The following ABCB5 variants were observed in gnomAD, a reference collection of about 807,000 sequenced individuals.
ABCB5 encodes ATP binding cassette subfamily B member 5, also known as ATP-binding cassette sub-family B member 5.
In ABCB5, 155 loss-of-function variants were observed where a neutral mutation model predicts 144.2. The ratio of observed to expected loss-of-function variants is 1.08; its 90% confidence interval spans 0.94 to 1.23. The LOEUF (loss-of-function observed/expected upper bound fraction) is 1.23, where lower values mean the gene tolerates loss of function less well. Among genes scored for constraint, ABCB5 ranks in the 50% most tolerant of loss-of-function variants. ABCB5 has a pLI of 0.00. For synonymous variants in ABCB5, 610 were observed against 528.6 expected, an observed-to-expected ratio of 1.15 and a Z score of -2.11; for missense variants, 1,830 against 1,520.8, an observed-to-expected ratio of 1.20 and a Z score of -3.38.
At position 20,686,711 on chromosome 7, in the gene ABCB5, C is replaced by A. The variant is rs183435442; in HGVS notation, c.2010+875C>A. ...TGTATCTCAGCTTCAGTCCCCTAAC[C>A]TCCAGCATCCATACCATCTCACACC... On this transcript the variant is annotated intron_variant, in intron 16 of 27. Coordinates refer to ENST00000404938, the MANE Select transcript of ABCB5 (RefSeq NM_001163941.2). Among the ~76,000 whole-genome samples, 12 of 152,270 alleles carry A rather than the reference C, an allele frequency of 7.9e-5. No homozygotes were observed. The East Asian group carries it at 2.3e-3, about 29-fold the overall frequency.
intron 14 of ABCB5, among the ~76,000 whole-genome samples, chr7:20,678,903 G>A (rs1785695485): frequency 6.6e-6 from 1 of 152,126 alleles, no homozygotes; most frequent in South Asian, 2.1e-4. Flanking sequence ...ATACGCTGCC[G>A]GGACACCTGG....
At chr7:20,713,563 A>C (rs1781570025) in intron 20 of ABCB5, among the ~76,000 whole-genome samples, 1 of 149,642 alleles carries the variant, frequency 6.7e-6, no homozygotes, top group African/African-American at 2.5e-5. Context: ...TGGATGCTAC[A>C]CATTGTGAAT....
chr7:20,669,261 A>G (rs1414912950), intron 14 of ABCB5, among the ~76,000 whole-genome samples: 5 of 143,600 alleles, frequency 3.5e-5, no homozygotes, highest in Non-Finnish European at 1.5e-5. Flanking sequence ...CCATGATGAC[A>G]ATGGCGGTTT....
At chr7:20,624,186 A>G (rs1783859781) in intron 2 of ABCB5, among the ~76,000 whole-genome samples, 1 of 152,230 alleles carries the variant, frequency 6.6e-6, no homozygotes, top group South Asian at 2.1e-4. Context: ...GGACAGGTTT[A>G]TTTTAGAATA....
In ABCB5 at chr7:20,731,294, A is replaced by G. The variant is rs972458076; in HGVS notation, c.2867+2839A>G. Reference sequence around the variant, plus strand: ...CTTCAACCCCGGAGGTGGAGGTTGCAGTGAGCCGAGATCACACCACTGCAC... The same window carrying G: ...CTTCAACCCCGGAGGTGGAGGTTGCGGTGAGCCGAGATCACACCACTGCAC... On this transcript the variant is annotated intron_variant, in intron 23 of 27. Transcript: ENST00000404938. Among the ~76,000 whole-genome samples the G allele has an allele frequency of 2.4e-4, 36 of 150,098 alleles. 1 individual carries two copies. Among genetic ancestry groups the G allele is most frequent in the African/African-American group, 8.6e-4 (35 of 40,698 alleles).
At chr7:20,645,910 C>A in intron 8 of ABCB5, 30 bp downstream of exon 8, 2 of 1,612,604 alleles carry the variant, frequency 1.2e-6, no homozygotes, top group Admixed American at 1.7e-5. Context: ...ACAAGATATG[C>A]TTGGTTTTAT....
At chr7:20,735,667 G>T (rs912139629) in intron 23 of ABCB5, among the ~76,000 whole-genome samples, 1 of 152,170 alleles carries the variant, frequency 6.6e-6, no homozygotes, top group African/African-American at 2.4e-5. Context: ...TTGATATCTA[G>T]GGCCTTCAGA....
intron 20 of ABCB5, among the ~76,000 whole-genome samples, chr7:20,706,729 G>T (rs1311485096): frequency 6.6e-6 from 1 of 152,150 alleles, no homozygotes; most frequent in African/African-American, 2.4e-5. Flanking sequence ...AACTGTCCCA[G>T]GTTGCAAATG....
intron 20 of ABCB5, among the ~76,000 whole-genome samples, chr7:20,705,084 C>T (rs1441055863): frequency 6.6e-6 from 1 of 152,068 alleles, no homozygotes. Context: ...GAAAAAAGAG[C>T]TCAGAATTAA....
intron 5 of ABCB5, among the ~76,000 whole-genome samples, chr7:20,635,977 G>A (rs1055748980): frequency 5.9e-5 from 9 of 152,066 alleles, no homozygotes; most frequent in Non-Finnish European, 1.3e-4. Flanking sequence ...TCAATCACAT[G>A]TCAAGCATTA....
rs775236941 is a variant in ABCB5, at chr7:20,676,161, T to TACAC, written c.1708-5342_1708-5339dup. Among the ~76,000 whole-genome samples the TACAC allele has an allele frequency of 3.2e-3, 311 of 95,856 alleles. 6 individuals carry two copies. In the South Asian group the frequency reaches 0.062, roughly 19 times the overall value. 62.9% of individuals were successfully genotyped at this position (95,856 alleles called of 152,430 possible). On this transcript the variant is annotated intron_variant, in intron 14 of 27. Transcript: ENST00000404938. The stretch of plus-strand genomic sequence containing the variant: ...TTACCATGTGACCCAGCAATTCTAC[T>TACAC]ACACATACACACACACACACACACA...
At chr7:20,674,376 A>G (rs1217237003) in intron 14 of ABCB5, among the ~76,000 whole-genome samples, 2 of 151,806 alleles carry the variant, frequency 1.3e-5, no homozygotes, top group Non-Finnish European at 3.0e-5. Context: ...TTTCCTTGAT[A>G]TAGAGTTTTA....
chr7:20,666,293 G>T (rs185884211), intron 14 of ABCB5, among the ~76,000 whole-genome samples: 5 of 152,132 alleles, frequency 3.3e-5, no homozygotes, highest in Non-Finnish European at 7.4e-5. Context: ...TTGTGTTCTC[G>T]TAGGTTTTCT....
intron 14 of ABCB5, among the ~76,000 whole-genome samples, chr7:20,678,785 T>G (rs1583419373): frequency 6.6e-6 from 1 of 152,234 alleles, no homozygotes. Flanking sequence ...ACAGACAAGC[T>G]GACCAGCCCA....
chr7:20,711,787 T>TCTTTC (rs1787051984), intron 20 of ABCB5, among the ~76,000 whole-genome samples: 1 of 30,918 alleles, frequency 3.2e-5, no homozygotes, highest in South Asian at 1.3e-3. Context: ...TCTCTTTCTT[T>TCTTTC]CTTTCTTTCT....
At chr7:20,629,751 A>C (rs549735857) in intron 4 of ABCB5, among the ~76,000 whole-genome samples, 69 of 152,222 alleles carry the variant, frequency 4.5e-4, no homozygotes, top group African/African-American at 1.5e-3. Context: ...AACAAGAGCG[A>C]AACTCCATCT....
chr7:20,710,157 C>G (rs1786976412), intron 20 of ABCB5, among the ~76,000 whole-genome samples: 1 of 148,158 alleles, frequency 6.7e-6, no homozygotes, highest in Non-Finnish European at 1.5e-5. Context: ...GGTGGATCAC[C>G]TGAGGTCGGG....
At chr7:20,642,491 C>T (rs1226570849) in intron 5 of ABCB5, among the ~76,000 whole-genome samples, 1 of 152,198 alleles carries the variant, frequency 6.6e-6, no homozygotes, top group Non-Finnish European at 1.5e-5. Context: ...TATTCTGTGG[C>T]CTATCCCCCG....
intron 24 of ABCB5, 32 bp downstream of exon 24, chr7:20,739,171 T>G: frequency 6.5e-7 from 1 of 1,530,174 alleles, no homozygotes; most frequent in South Asian, 1.2e-5. Context: ...AATGTCCAAA[T>G]AAAGATGGCA....
Sources: allele counts gnomAD v4.1 joint callset (sites outside exome capture counted in the v4.1 genomes callset), GRCh38; gene constraint gnomAD v4.1.1; transcripts MANE v1.5; gene names NCBI Gene and HGNC (gene_info 2026-07-23, HGNC 2026-07-21).